KATNAL1: variants seen among roughly 807,000 people sequenced by gnomAD.
KATNAL1 encodes the protein katanin catalytic subunit A1 like 1.
Under a neutral mutation model 55.2 loss-of-function variants are expected in KATNAL1, and 32 were observed. The observed-to-expected ratio is 0.58, with a 90% CI of 0.44 to 0.78. The LOEUF (loss-of-function observed/expected upper bound fraction) is 0.78, where lower values mean the gene tolerates loss of function less well. KATNAL1 is among the 30% of genes least tolerant of loss of function. The pLI, the probability that KATNAL1 is intolerant of heterozygous loss-of-function variation, is 0.00. For synonymous variants in KATNAL1, 193 were observed against 193.6 expected (o/e 1.00, Z 0.02); for missense variants, 466 against 600.9 (o/e 0.78, Z 2.35).
At position 30,255,450 on chromosome 13, in the gene KATNAL1, G is replaced by T. The variant is rs1878690811; in HGVS notation, c.489C>A (p.Asp163Glu). 2 of 1,522,718 alleles carry T rather than the reference G, an allele frequency of 1.3e-6. No individual in the cohort carries two copies. Among genetic ancestry groups the T allele is most frequent in the African/African-American group, 1.4e-5 (1 of 70,682 alleles). The allele number at this position is 1,522,718 out of a possible 1,614,324, so 94.3% of individuals were successfully genotyped here. A position where few individuals can be genotyped will look rare whatever the true frequency, so the allele number is the denominator to read the frequency against. The change falls in exon 4 of 11, where the codon GAC (aspartate) becomes GAA (glutamate). Residue 163 changes from aspartate (D) to glutamate (E), a missense_variant. Asp to Glu is a conservative substitution (Grantham distance 45). This residue lies in a region of KATNAL1 where 248 missense variants were observed against 275.5 expected (regional missense o/e 0.90). Transcript: ENST00000380615. ...DKDYRARGRD[D>E]KGRKNMQDGA... ...TTACAGAAAGACAGCATCTTGCCTT[G>T]TCATCTCTCCCTCTTGCTCTATAGT...
At chr13:30,214,369 T>G (rs977585344) in intron 9 of KATNAL1, among the ~76,000 whole-genome samples, 6 of 152,226 alleles carry the variant, frequency 3.9e-5, no homozygotes, top group Non-Finnish European at 7.4e-5. Flanking sequence ...ATAGATTTAA[T>G]GCCATCCCCA....
chr13:30,258,759 C>T (rs1350323744), intron 3 of KATNAL1, among the ~76,000 whole-genome samples: 4 of 149,228 alleles, frequency 2.7e-5, no homozygotes, highest in South Asian at 4.2e-4. Context: ...AAGAGTATCT[C>T]GATTTTTTTT....
At chr13:30,274,902 C>CGT (rs1205771382) in intron 3 of KATNAL1, among the ~76,000 whole-genome samples, 1,715 of 95,948 alleles carry the variant, frequency 0.018, 21 homozygotes, top group African/African-American at 0.043. Flanking sequence ...CGCGCGCGCG[C>CGT]GCGCGCACAC....
chr13:30,206,251 A>C lies in KATNAL1; in HGVS notation c.*2289T>G, dbSNP rs560679786. 1.3e-5 allele frequency: 2 copies of C among 152,298 alleles called. No individual in the cohort carries two copies. The highest frequency in any genetic ancestry group is 1.3e-4 in the Admixed American group (2 of 15,288). The allele number at this position is 152,298 out of a possible 1,614,324, so 9.4% of individuals were successfully genotyped here. A position where few individuals can be genotyped will look rare whatever the true frequency, so the allele number is the denominator to read the frequency against. ...AGCCGAGATCATGCCACTGCACTCC[A>C]GCCTGGGCGACAGAGCAAGACTCAG... On this transcript the variant is annotated 3_prime_UTR_variant, in exon 11 of 11. Transcript: ENST00000380615.
chr13:30,237,026 T>C (rs1876754644), intron 6 of KATNAL1, among the ~76,000 whole-genome samples: 1 of 152,198 alleles, frequency 6.6e-6, no homozygotes, highest in Admixed American at 6.5e-5. Flanking sequence ...CTTCCTCTCT[T>C]CTGCCATAGC....
At chr13:30,212,130 T>C (rs545613927) in intron 9 of KATNAL1, among the ~76,000 whole-genome samples, 1 of 152,174 alleles carries the variant, frequency 6.6e-6, no homozygotes, top group Non-Finnish European at 1.5e-5. Flanking sequence ...AATATCTCAA[T>C]GACCTCAGGG....
chr13:30,268,908 C>A lies in KATNAL1; in HGVS notation c.323+11155G>T, dbSNP rs143394698. On this transcript the variant is annotated intron_variant, in intron 3 of 10. Transcript: ENST00000380615. ...ACTGTGGCAGGCAATATTCTTGGTG[C>A]TGGGGGTAAAGCAGCAAACAAATAA... 1.6e-4 allele frequency among the ~76,000 whole-genome samples: 25 copies of A among 152,188 alleles called. No homozygotes were observed. In the East Asian group the frequency reaches 4.8e-3, roughly 29 times the overall value.
At chr13:30,263,805 G>A (rs1415165256) in intron 3 of KATNAL1, among the ~76,000 whole-genome samples, 3 of 141,352 alleles carry the variant, frequency 2.1e-5, no homozygotes, top group African/African-American at 7.9e-5. Flanking sequence ...ACTGCCCAAG[G>A]TAATTTACAG....
chr13:30,228,539 T>G (rs1484306921), intron 8 of KATNAL1, among the ~76,000 whole-genome samples: 1 of 152,234 alleles, frequency 6.6e-6, no homozygotes, highest in Non-Finnish European at 1.5e-5. Context: ...AGTGATTTCC[T>G]TTTCCAATTT....
At chr13:30,248,149 G>C (rs1489167531) in intron 4 of KATNAL1, among the ~76,000 whole-genome samples, 2 of 152,172 alleles carry the variant, frequency 1.3e-5, no homozygotes, top group Admixed American at 1.3e-4. Flanking sequence ...TTCAGTCTAA[G>C]AAAAGTATGT....
intron 3 of KATNAL1, among the ~76,000 whole-genome samples, chr13:30,273,195 T>C (rs1425618925): frequency 6.6e-6 from 1 of 152,228 alleles, no homozygotes; most frequent in East Asian, 1.9e-4. Context: ...CTCAACTACT[T>C]GTCTTCCCCA....
At chr13:30,250,268 A>T (rs578155641) in intron 4 of KATNAL1, among the ~76,000 whole-genome samples, 17 of 152,226 alleles carry the variant, frequency 1.1e-4, no homozygotes, top group Non-Finnish European at 1.8e-4. Context: ...ACTTAAAAGC[A>T]TGTCATTTTT....
chr13:30,294,909 A>G (rs1882379557), intron 1 of KATNAL1, among the ~76,000 whole-genome samples: 1 of 152,242 alleles, frequency 6.6e-6, no homozygotes, highest in Non-Finnish European at 1.5e-5. Context: ...TGGAATAGCA[A>G]AGTCTAGATG....
At chr13:30,219,235 C>T (rs907347331) in intron 9 of KATNAL1, among the ~76,000 whole-genome samples, 1 of 151,432 alleles carries the variant, frequency 6.6e-6, no homozygotes, top group African/African-American at 2.4e-5. Context: ...CTTTTCAGAT[C>T]TCTCATCTTC....
At chr13:30,274,746 A>G (rs527500132) in intron 3 of KATNAL1, among the ~76,000 whole-genome samples, 15 of 152,316 alleles carry the variant, frequency 9.8e-5, no homozygotes, top group African/African-American at 3.4e-4. Flanking sequence ...AAATGAAATC[A>G]GTGTGTCAGA....
At chr13:30,238,660 T>G (rs912559468) in intron 6 of KATNAL1, among the ~76,000 whole-genome samples, 1 of 152,186 alleles carries the variant, frequency 6.6e-6, no homozygotes, top group African/African-American at 2.4e-5. Context: ...TTTTTGTGCT[T>G]TGCTGAGCTT....
chr13:30,296,590 C>A, intron 1 of KATNAL1: 1 of 725,506 alleles, frequency 1.4e-6, no homozygotes, highest in South Asian at 1.4e-5. Context: ...GTGGGACGCT[C>A]ATTGGATGAG....
chr13:30,237,345 A>G (rs978307734), intron 6 of KATNAL1, among the ~76,000 whole-genome samples: 1 of 152,234 alleles, frequency 6.6e-6, no homozygotes, highest in Non-Finnish European at 1.5e-5. Context: ...CTATTAGAAA[A>G]TATGGATAAA....
chr13:30,236,057 G>C (rs1458632831), intron 6 of KATNAL1, among the ~76,000 whole-genome samples: 1 of 152,112 alleles, frequency 6.6e-6, no homozygotes, highest in African/African-American at 2.4e-5. Flanking sequence ...ACCTTGGATA[G>C]GCTAAGGAGG....
Sources: allele counts gnomAD v4.1 joint callset (sites outside exome capture counted in the v4.1 genomes callset), GRCh38; gene constraint gnomAD v4.1.1; regional missense constraint gnomAD v4.1.1; transcripts MANE v1.5; gene names NCBI Gene and HGNC (gene_info 2026-07-23, HGNC 2026-07-21).